MSI2: variants seen among roughly 807,000 people sequenced by gnomAD.
MSI2 encodes musashi RNA binding protein 2, also known as RNA-binding protein Musashi homolog 2.
Under a neutral mutation model 45.6 loss-of-function variants are expected in MSI2, and 17 were observed. That is an observed-to-expected ratio of 0.37 (90% CI 0.26 to 0.56). The LOEUF (loss-of-function observed/expected upper bound fraction) is 0.56, where lower values mean the gene tolerates loss of function less well. Among genes scored for constraint, MSI2 ranks in the 20% least tolerant of loss-of-function variants. The probability of loss-of-function intolerance (pLI) is 0.77; values close to 1 mark genes in which losing one functional copy is unlikely to be tolerated. For missense variants in MSI2, 293 were observed against 444.2 expected (o/e 0.66, Z 3.06); for synonymous variants, 156 against 158.2 (o/e 0.99, Z 0.11).
intron 10 of MSI2, among the ~76,000 whole-genome samples, chr17:57,646,491 C>T (rs1326501219): frequency 6.6e-6 from 1 of 152,162 alleles, no homozygotes; most frequent in Non-Finnish European, 1.5e-5. Flanking sequence ...TCATCCTCCT[C>T]CCCGCAGACA....
At chr17:57,310,497 C>A (rs11870153) in intron 5 of MSI2, among the ~76,000 whole-genome samples, 1 of 152,128 alleles carries the variant, frequency 6.6e-6, no homozygotes, top group Non-Finnish European at 1.5e-5. Flanking sequence ...CCGCTCCCAG[C>A]TAATTTTTGT....
chr17:57,361,633 TAAGG>T (rs1168161894), intron 5 of MSI2, among the ~76,000 whole-genome samples: 1 of 150,300 alleles, frequency 6.7e-6, no homozygotes, highest in African/African-American at 2.5e-5. Context: ...AGGAAAATCA[TAAGG>T]AAGAGAAAAT....
chr17:57,541,284 T>C (rs11867554), intron 7 of MSI2, among the ~76,000 whole-genome samples: 51,268 of 151,906 alleles, frequency 0.34, 9,704 homozygotes, highest in East Asian at 0.68. Flanking sequence ...TTGTCAGAAT[T>C]CCCAACTCCA....
chr17:57,508,737 C>T (rs2086289605), intron 6 of MSI2, among the ~76,000 whole-genome samples: 2 of 152,176 alleles, frequency 1.3e-5, no homozygotes, highest in East Asian at 3.9e-4. Context: ...GTGAGCCCGG[C>T]AGGCCTGGCC....
At chr17:57,329,455 A>G (rs557428597) in intron 5 of MSI2, among the ~76,000 whole-genome samples, 52 of 152,298 alleles carry the variant, frequency 3.4e-4, no homozygotes, top group African/African-American at 1.2e-3. Context: ...GCATGTATAA[A>G]CTTCCATTAA....
intron 10 of MSI2, among the ~76,000 whole-genome samples, chr17:57,647,274 C>CAAA (rs33915774): frequency 5.3e-5 from 2 of 37,680 alleles, no homozygotes; most frequent in Non-Finnish European, 5.3e-5. Context: ...ACTAAAAATA[C>CAAA]AAAAAAAAAA....
At chr17:57,562,564 C>G (rs2087604881) in intron 7 of MSI2, among the ~76,000 whole-genome samples, 1 of 152,232 alleles carries the variant, frequency 6.6e-6, no homozygotes, top group Admixed American at 6.5e-5. Flanking sequence ...AGAATGCACC[C>G]ACTGCTGCAC....
At chr17:57,314,449 A>G (rs562196283) in intron 5 of MSI2, among the ~76,000 whole-genome samples, 1 of 152,194 alleles carries the variant, frequency 6.6e-6, no homozygotes, top group Non-Finnish European at 1.5e-5. Context: ...GTAGAGCATC[A>G]TGCATTGGGG....
intron 7 of MSI2, among the ~76,000 whole-genome samples, chr17:57,556,487 C>G (rs2087438559): frequency 6.6e-6 from 1 of 152,216 alleles, no homozygotes; most frequent in Non-Finnish European, 1.5e-5. Context: ...GTCTGTGAGG[C>G]AGAACGTGTC....
intron 6 of MSI2, among the ~76,000 whole-genome samples, chr17:57,497,221 C>A (rs961293471): frequency 6.6e-6 from 1 of 152,228 alleles, no homozygotes; most frequent in African/African-American, 2.4e-5. Flanking sequence ...TGGTGATCCA[C>A]CTGCCTTGGC....
intron 6 of MSI2, among the ~76,000 whole-genome samples, chr17:57,507,275 GTGTGTC>G (rs1338210180): frequency 7.2e-4 from 97 of 134,396 alleles, no homozygotes; most frequent in African/African-American, 2.6e-3. Context: ...GTGTGTGTGT[GTGTGTC>G]TCCCCCACCC....
At chr17:57,645,329 C>G (rs1446253624) in intron 10 of MSI2, among the ~76,000 whole-genome samples, 1 of 152,220 alleles carries the variant, frequency 6.6e-6, no homozygotes, top group African/African-American at 2.4e-5. Context: ...CCCTTTGCTT[C>G]TGCAAAGTGG....
chr17:57,292,110 C>T (rs1450319012), intron 5 of MSI2, among the ~76,000 whole-genome samples: 1 of 151,916 alleles, frequency 6.6e-6, no homozygotes, highest in African/African-American at 2.4e-5. Context: ...GACGCATTCA[C>T]CGAGAAGGTC....
At chr17:57,455,302 C>G (rs958687847) in intron 6 of MSI2, among the ~76,000 whole-genome samples, 1 of 152,214 alleles carries the variant, frequency 6.6e-6, no homozygotes, top group Non-Finnish European at 1.5e-5. Context: ...CCCCAACTCA[C>G]ACACAGGGAG....
intron 5 of MSI2, among the ~76,000 whole-genome samples, chr17:57,360,128 T>C (rs920748): frequency 0.13 from 19,794 of 152,266 alleles, 2,711 homozygotes; most frequent in African/African-American, 0.35. Flanking sequence ...TGTTTTATTA[T>C]GATGGGGGCT....
intron 5 of MSI2, among the ~76,000 whole-genome samples, chr17:57,375,067 A>C (rs1310734268): frequency 6.6e-6 from 1 of 152,196 alleles, no homozygotes; most frequent in Non-Finnish European, 1.5e-5. Context: ...GTGTTCACAC[A>C]GCTCTGAGTT....
intron 6 of MSI2, among the ~76,000 whole-genome samples, chr17:57,492,181 G>T (rs149485188): frequency 2.0e-5 from 3 of 152,176 alleles, no homozygotes; most frequent in African/African-American, 7.2e-5. Flanking sequence ...GCGAGGCATC[G>T]TTCTGTTGTC....
intron 5 of MSI2, among the ~76,000 whole-genome samples, chr17:57,398,899 T>C (rs1028695915): frequency 1.3e-5 from 2 of 150,906 alleles, no homozygotes; most frequent in Non-Finnish European, 2.9e-5. Context: ...AAAGGGCTAA[T>C]CATTATATCT....
chr17:57,688,902 CTATGAAAA>C (rs1913932272), downstream of MSI2, among the ~76,000 whole-genome samples: 1 of 152,078 alleles, frequency 6.6e-6, no homozygotes. Context: ...AAGTGTGACT[CTATGAAAA>C]TACAAATTTT....
Sources: allele counts gnomAD v4.1 joint callset (sites outside exome capture counted in the v4.1 genomes callset), GRCh38; gene constraint gnomAD v4.1.1; transcripts MANE v1.5; gene names NCBI Gene and HGNC (gene_info 2026-07-23, HGNC 2026-07-21).